The following ZDHHC20 variants were observed in gnomAD, a reference collection of about 807,000 sequenced individuals.
ZDHHC20 encodes the protein palmitoyltransferase ZDHHC20.
A neutral mutation model predicts 57.8 loss-of-function variants in ZDHHC20; 43 were observed. The observed-to-expected ratio is 0.74, with a 90% confidence interval of 0.58 to 0.96. The LOEUF is 0.96. ZDHHC20 is among the 40% of genes least tolerant of loss of function. The pLI, the probability that ZDHHC20 is intolerant of heterozygous loss-of-function variation, is 0.00. For missense variants in ZDHHC20, 391 were observed against 441.1 expected (o/e 0.89, Z 1.02); for synonymous variants, 157 against 153.0 (o/e 1.03, Z -0.19).
chr13:21,429,344 T>G (rs1420047077), intron 1 of ZDHHC20, among the ~76,000 whole-genome samples: 2 of 152,252 alleles, frequency 1.3e-5, no homozygotes, highest in Admixed American at 6.5e-5. Context: ...AATGTACAAC[T>G]GTCAACTTTC....
chr13:21,443,025 T>C (rs998366502), intron 1 of ZDHHC20, among the ~76,000 whole-genome samples: 2 of 152,244 alleles, frequency 1.3e-5, no homozygotes, highest in African/African-American at 4.8e-5. Context: ...TTCTTATTTC[T>C]ACCAGTGCCT....
chr13:21,432,343 T>G (rs1882057843), intron 1 of ZDHHC20, among the ~76,000 whole-genome samples: 1 of 151,394 alleles, frequency 6.6e-6, no homozygotes, highest in Admixed American at 6.6e-5. Context: ...TTTTTTTTTT[T>G]TTTTGAGACA....
intron 4 of ZDHHC20, among the ~76,000 whole-genome samples, chr13:21,405,668 A>G (rs1878337321): frequency 6.6e-6 from 1 of 152,178 alleles, no homozygotes; most frequent in Non-Finnish European, 1.5e-5. Context: ...TACTGGGAGC[A>G]TATTCTTTGA....
chr13:21,431,018 T>C (rs998195537), intron 1 of ZDHHC20, among the ~76,000 whole-genome samples: 4 of 152,230 alleles, frequency 2.6e-5, no homozygotes, highest in Admixed American at 6.5e-5. Flanking sequence ...ATGACAACTT[T>C]ATCCATTAAT....
At chr13:21,378,310 T>C (rs1490221153) in intron 12 of ZDHHC20, among the ~76,000 whole-genome samples, 1 of 152,172 alleles carries the variant, frequency 6.6e-6, no homozygotes, top group East Asian at 1.9e-4. Flanking sequence ...TCCTCCCACC[T>C]TGAACTCCCA....
At chr13:21,381,649 T>C (rs534529948) in intron 10 of ZDHHC20, 100 bp from the exon 11 acceptor site, 6 of 780,682 alleles carry the variant, frequency 7.7e-6, no homozygotes, top group African/African-American at 6.9e-5. Flanking sequence ...CTCCTAAATA[T>C]GTGAGGGCAA....
At chr13:21,411,508 G>A (rs530229722) in intron 4 of ZDHHC20, among the ~76,000 whole-genome samples, 1 of 152,304 alleles carries the variant, frequency 6.6e-6, no homozygotes, top group South Asian at 2.1e-4. Flanking sequence ...TCTGTTGAAG[G>A]TTGTATGGCT....
intron 3 of ZDHHC20, among the ~76,000 whole-genome samples, chr13:21,418,792 G>C (rs567168888): frequency 6.6e-6 from 1 of 152,260 alleles, no homozygotes; most frequent in East Asian, 1.9e-4. Flanking sequence ...TCCCACCTCA[G>C]CCTCCCGAGT....
intron 3 of ZDHHC20, among the ~76,000 whole-genome samples, chr13:21,415,764 G>C (rs2137878793): frequency 6.6e-6 from 1 of 152,220 alleles, no homozygotes. Flanking sequence ...AAATATATTT[G>C]AATAGAAGAT....
At chr13:21,410,889 G>T (rs1879117540) in intron 4 of ZDHHC20, among the ~76,000 whole-genome samples, 1 of 152,180 alleles carries the variant, frequency 6.6e-6, no homozygotes, top group South Asian at 2.1e-4. Flanking sequence ...TTGCTGGCGT[G>T]CCAGGTGCCA....
At chr13:21,409,054 T>C (rs1878844573) in intron 4 of ZDHHC20, among the ~76,000 whole-genome samples, 1 of 152,234 alleles carries the variant, frequency 6.6e-6, no homozygotes, top group African/African-American at 2.4e-5. Context: ...ATCAGGGATA[T>C]TGGCCTGAAA....
intron 1 of ZDHHC20, among the ~76,000 whole-genome samples, chr13:21,439,142 C>T (rs1882865077): frequency 6.6e-6 from 1 of 152,118 alleles, no homozygotes; most frequent in Non-Finnish European, 1.5e-5. Flanking sequence ...CCAAGGTATG[C>T]CTGCAATTCT....
intron 3 of ZDHHC20, among the ~76,000 whole-genome samples, chr13:21,419,401 G>A (rs535631518): frequency 9.2e-5 from 14 of 152,302 alleles, no homozygotes; most frequent in African/African-American, 3.1e-4. Context: ...CAAGAGACAT[G>A]CACTAGAATG....
intron 7 of ZDHHC20, among the ~76,000 whole-genome samples, chr13:21,394,721 T>G (rs949267577): frequency 2.2e-4 from 33 of 152,240 alleles, no homozygotes; most frequent in African/African-American, 7.7e-4. Flanking sequence ...TTCATCTATC[T>G]GGCACTAAAT....
At position 21,375,062 on chromosome 13, in the gene ZDHHC20, A is replaced by G. The variant is rs1183528019; in HGVS notation, c.*1634T>C. On this transcript the variant is annotated 3_prime_UTR_variant, in exon 13 of 13. Coordinates refer to ENST00000400590, the MANE Select transcript of ZDHHC20 (RefSeq NM_001330059.2). ...GGCAGGAGACTCTATTGAACCTGGA[A>G]GGCAGAGGTTGCAGCGAGCCAAGAT... 2.2e-6 allele frequency: 1 copy of G among 452,136 alleles called. No homozygotes were observed. The highest frequency in any genetic ancestry group is 4.4e-6 in the Non-Finnish European group (1 of 225,532). The allele number at this position is 452,136 out of a possible 1,614,324, so 28.0% of individuals were successfully genotyped here. A position where few individuals can be genotyped will look rare whatever the true frequency, so the allele number is the denominator to read the frequency against.
At chr13:21,404,794 A>G (rs566545155) in intron 4 of ZDHHC20, among the ~76,000 whole-genome samples, 1 of 151,602 alleles carries the variant, frequency 6.6e-6, no homozygotes, top group African/African-American at 2.4e-5. Context: ...TAGAGTTCCC[A>G]TCTCCAAAGG....
At chr13:21,401,517 A>G in intron 6 of ZDHHC20, 136 bp downstream of exon 6, 1 of 703,242 alleles carries the variant, frequency 1.4e-6, no homozygotes, top group Non-Finnish European at 2.3e-6. Context: ...GTTTACATAC[A>G]AATCTATGCA....
At chr13:21,390,653 A>AT (rs1875526115) in intron 8 of ZDHHC20, among the ~76,000 whole-genome samples, 1 of 152,160 alleles carries the variant, frequency 6.6e-6, no homozygotes, top group East Asian at 1.9e-4. Flanking sequence ...TAATCCTAGC[A>AT]TTTTGGGAGG....
chr13:21,419,386 T>G (rs894168521), intron 3 of ZDHHC20, among the ~76,000 whole-genome samples: 1 of 152,234 alleles, frequency 6.6e-6, no homozygotes, highest in Non-Finnish European at 1.5e-5. Context: ...TACATATATA[T>G]TATCCAAGAG....
Sources: gnomAD v4.1 joint callset for allele counts (sites outside exome capture counted in the v4.1 genomes callset) on GRCh38, gnomAD v4.1.1 for gene constraint, MANE v1.5 for transcripts, NCBI Gene and HGNC (gene_info 2026-07-23, HGNC 2026-07-21) for gene names.